The following SENP6 variants were observed in gnomAD, a reference collection of about 807,000 sequenced individuals.
The protein encoded by SENP6 is sentrin-specific protease 6.
SENP6 carries 41 observed loss-of-function variants against 134.5 expected under a neutral mutation model. The observed-to-expected ratio is 0.30, with a 90% CI of 0.24 to 0.40. SENP6 has a LOEUF of 0.40. SENP6 is among the 10% of genes least tolerant of loss of function. The pLI, the probability that SENP6 is intolerant of heterozygous loss-of-function variation, is 1.00. For missense variants in SENP6, 1,248 were observed against 1,312.5 expected (o/e 0.95, Z 0.76); for synonymous variants, 395 against 429.8 (o/e 0.92, Z 1.00).
At chr6:75,677,442 C>T in intron 14 of SENP6, 186 bp downstream of exon 14, 2 of 496,956 alleles carry the variant, frequency 4.0e-6, no homozygotes, top group Non-Finnish European at 7.1e-6. Context: ...TGCCAAATAC[C>T]ACTTGATACA....
intron 16 of SENP6, among the ~76,000 whole-genome samples, chr6:75,686,520 G>C (rs968947873): frequency 6.6e-6 from 1 of 152,178 alleles, no homozygotes; most frequent in Non-Finnish European, 1.5e-5. Flanking sequence ...GCCTGTTTTT[G>C]CAGTGGCTGG....
intron 16 of SENP6, among the ~76,000 whole-genome samples, chr6:75,682,268 TC>T (rs1773517526): frequency 1.3e-5 from 2 of 151,240 alleles, no homozygotes; most frequent in Non-Finnish European, 2.9e-5. Flanking sequence ...AACAGACAAA[TC>T]CACAAATAAA....
chr6:75,626,231 T>G (rs1259275489), intron 3 of SENP6, among the ~76,000 whole-genome samples: 1 of 152,012 alleles, frequency 6.6e-6, no homozygotes, highest in African/African-American at 2.4e-5. Context: ...GGTTTCAGCA[T>G]CATATCTCAA....
chr6:75,613,328 G>A (rs1411763631), intron 1 of SENP6, among the ~76,000 whole-genome samples: 1 of 152,100 alleles, frequency 6.6e-6, no homozygotes, highest in Non-Finnish European at 1.5e-5. Context: ...ATACCTATTT[G>A]CATTATCCCT....
At chr6:75,672,067 C>A (rs866291265) in intron 11 of SENP6, among the ~76,000 whole-genome samples, 1 of 152,080 alleles carries the variant, frequency 6.6e-6, no homozygotes, top group South Asian at 2.1e-4. Flanking sequence ...TAACATATGT[C>A]AGTGTTTTTA....
At chr6:75,705,924 C>CTTTTTTTGTTTTTTTTTTTTTTTTTTT (rs1562073188) in intron 19 of SENP6, among the ~76,000 whole-genome samples, 1 of 89,280 alleles carries the variant, frequency 1.1e-5, no homozygotes, top group Non-Finnish European at 2.2e-5. Context: ...TATTTTTGAG[C>CTTTTTTTGTTTTTTTTTTTTTTTTTTT]CTTTTTTTTT....
At chr6:75,698,236 C>T (rs1023183185) in intron 18 of SENP6, among the ~76,000 whole-genome samples, 7 of 152,140 alleles carry the variant, frequency 4.6e-5, no homozygotes, top group African/African-American at 1.7e-4. Context: ...CTGGGCTTTC[C>T]TTGAGTGATA....
chr6:75,709,487 C>A, intron 19 of SENP6, 40 bp from the exon 20 acceptor site: 2 of 1,369,192 alleles, frequency 1.5e-6, no homozygotes, highest in Non-Finnish European at 2.1e-6. Context: ...GAGTGATAGA[C>A]ATGGCCTTTT....
chr6:75,648,956 AAAG>A (rs1770656896), intron 7 of SENP6, among the ~76,000 whole-genome samples: 2 of 152,306 alleles, frequency 1.3e-5, no homozygotes, highest in East Asian at 3.9e-4. Context: ...GCTCTGTCAC[AAAG>A]AAGGTTACTA....
chr6:75,663,528 T>A lies in SENP6; in HGVS notation c.994+10T>A, dbSNP rs1467440106. 1 of 1,592,814 alleles carries A rather than the reference T, an allele frequency of 6.3e-7. No homozygotes were observed. Among genetic ancestry groups the A allele is most frequent in the Non-Finnish European group, 8.5e-7 (1 of 1,171,428 alleles). Reference sequence around the variant, plus strand: ...GACCTAAATGATCCAAGTAAGTATTTTACTCCCTTTAATATTGCTTATATC... The same window carrying A: ...GACCTAAATGATCCAAGTAAGTATTATACTCCCTTTAATATTGCTTATATC... On this transcript the variant is annotated intron_variant, in intron 9 of 23. Transcript: ENST00000447266.
At chr6:75,615,079 CAG>C (rs745665302) in intron 1 of SENP6, among the ~76,000 whole-genome samples, 1 of 152,052 alleles carries the variant, frequency 6.6e-6, no homozygotes, top group Non-Finnish European at 1.5e-5. Context: ...TTAGTAGAAA[CAG>C]GGTTTCACCA....
chr6:75,696,426 G>C (rs905718173), intron 17 of SENP6, among the ~76,000 whole-genome samples: 1 of 151,914 alleles, frequency 6.6e-6, no homozygotes, highest in Non-Finnish European at 1.5e-5. Context: ...AAGCTCTTTG[G>C]GTGATTCTTC....
chr6:75,689,327 C>T (rs1054010308), intron 16 of SENP6, among the ~76,000 whole-genome samples: 4 of 152,062 alleles, frequency 2.6e-5, no homozygotes, highest in Non-Finnish European at 5.9e-5. Flanking sequence ...ATGAAAGATG[C>T]TCAACATCAG....
rs1422790551 is a variant in SENP6, at chr6:75,717,464, T to G, written c.*1870T>G. On this transcript the variant is annotated 3_prime_UTR_variant, in exon 24 of 24. Transcript: ENST00000447266. ...AGATTTTAACATGAAAAATATAGAT[T>G]AATGTATGTCAGCTTTCTAGAGGTA... The G allele has an allele frequency of 6.6e-6, 1 of 152,120 alleles. No individual in the cohort carries two copies. The highest frequency in any genetic ancestry group is 2.4e-5 in the African/African-American group (1 of 41,458). The allele number at this position is 152,120 out of a possible 1,614,324, so 9.4% of individuals were successfully genotyped here. A position where few individuals can be genotyped will look rare whatever the true frequency, so the allele number is the denominator to read the frequency against.
Position 75,666,808 on chromosome 6 carries a change from C to T in SENP6, c.1091C>T (p.Ala364Val). 4 of 1,613,746 alleles carry T rather than the reference C, an allele frequency of 2.5e-6. No homozygotes were observed. Among genetic ancestry groups the T allele is most frequent in the South Asian group, 2.2e-5 (2 of 91,066 alleles). ...QPADSACSSP[A>V]PSTGKVEAAL... Reference sequence around the variant, plus strand: ...GCTGATTCAGCATGTTCTTCCCCTGCACCATCCACTGGAAAAGTAGAAGCA... The same window carrying T: ...GCTGATTCAGCATGTTCTTCCCCTGTACCATCCACTGGAAAAGTAGAAGCA... Residue 364 changes from alanine to valine, a missense_variant, in exon 10 of 24, where the codon GCA (alanine) becomes GTA (valine). Physicochemically the swap from Ala to Val is moderately conservative, Grantham distance 64. This residue lies in a region of SENP6 where 733 missense variants were observed against 725.4 expected (regional missense o/e 1.01). Transcript: ENST00000447266.
At chr6:75,638,718 C>T (rs1254482550) in intron 5 of SENP6, among the ~76,000 whole-genome samples, 1 of 145,770 alleles carries the variant, frequency 6.9e-6, no homozygotes, top group African/African-American at 2.6e-5. Context: ...TTTCTTCTAC[C>T]TCTGTTTTTC....
At chr6:75,629,373 A>T (rs1198125001) in intron 3 of SENP6, among the ~76,000 whole-genome samples, 1 of 152,030 alleles carries the variant, frequency 6.6e-6, no homozygotes, top group Non-Finnish European at 1.5e-5. Flanking sequence ...ATCTTGGCTC[A>T]CTGCAACCTT....
chr6:75,658,253 G>T (rs775552627), intron 7 of SENP6, among the ~76,000 whole-genome samples: 2 of 152,118 alleles, frequency 1.3e-5, no homozygotes, highest in Non-Finnish European at 2.9e-5. Context: ...ATCACTTAGT[G>T]AAACTTTGTG....
intron 7 of SENP6, among the ~76,000 whole-genome samples, chr6:75,651,203 C>CT (rs34320407): frequency 1.3e-4 from 20 of 151,732 alleles, no homozygotes; most frequent in African/African-American, 3.4e-4. Flanking sequence ...CTTAAACTCC[C>CT]TTTTTTTTCA....
Sources: gnomAD v4.1 joint callset for allele counts (sites outside exome capture counted in the v4.1 genomes callset) on GRCh38, gnomAD v4.1.1 for gene constraint, gnomAD v4.1.1 regional missense constraint, MANE v1.5 for transcripts, NCBI Gene and HGNC (gene_info 2026-07-23, HGNC 2026-07-21) for gene names.